Variants in NOX4 observed in about 807,000 individuals in gnomAD.
NOX4 encodes NADPH oxidase 4.
A neutral mutation model predicts 87.6 loss-of-function variants in NOX4; 69 were observed. The observed-to-expected ratio is 0.79, with a 90% CI of 0.65 to 0.96. The LOEUF is 0.96. NOX4 is among the 40% of genes least tolerant of loss of function. The pLI, the probability that NOX4 is intolerant of heterozygous loss-of-function variation, is 0.00. For synonymous variants in NOX4, 275 were observed against 238.2 expected, an observed-to-expected ratio of 1.15 and a Z score of -1.42; for missense variants, 680 against 681.5, an observed-to-expected ratio of 1.00 and a Z score of 0.02.
chr11:89,389,123 CAT>C (rs1179320659), intron 11 of NOX4, among the ~76,000 whole-genome samples: 6 of 152,094 alleles, frequency 3.9e-5, no homozygotes, highest in Admixed American at 6.6e-5. Flanking sequence ...TGTCAGCAAA[CAT>C]GTGTGTGAGA....
At chr11:89,351,463 A>G (rs1478174596) in intron 13 of NOX4, among the ~76,000 whole-genome samples, 1 of 152,218 alleles carries the variant, frequency 6.6e-6, no homozygotes, top group African/African-American at 2.4e-5. Flanking sequence ...CAGATTTTCA[A>G]TGTAGACAAG....
At chr11:89,565,726 T>TAA in the NOX4 span, among the ~76,000 whole-genome samples, 6 of 144,076 alleles carry the variant, frequency 4.2e-5, no homozygotes, top group African/African-American at 1.5e-4. Context: ...TAAAGTATAA[T>TAA]AAAAAAAAAA....
At chr11:89,430,628 C>A (rs1943725747) in intron 7 of NOX4, among the ~76,000 whole-genome samples, 1 of 152,066 alleles carries the variant, frequency 6.6e-6, no homozygotes, top group Non-Finnish European at 1.5e-5. Flanking sequence ...AATAAAATAC[C>A]TAGGAATCCA....
At chr11:89,427,975 T>C (rs1342495109) in intron 7 of NOX4, among the ~76,000 whole-genome samples, 3 of 152,128 alleles carry the variant, frequency 2.0e-5, no homozygotes, top group Non-Finnish European at 4.4e-5. Flanking sequence ...GAGAGAAAGG[T>C]GGGGTTGCCC....
At chr11:89,579,588 T>C in the NOX4 span, among the ~76,000 whole-genome samples, 1 of 152,028 alleles carries the variant, frequency 6.6e-6, no homozygotes, top group African/African-American at 2.4e-5. Context: ...ACCTGTAAAA[T>C]AGCCATAGAA....
chr11:89,465,255 T>G (rs1945627806), intron 2 of NOX4, among the ~76,000 whole-genome samples: 1 of 152,112 alleles, frequency 6.6e-6, no homozygotes, highest in Admixed American at 6.5e-5. Context: ...TGCTGTTGTG[T>G]TAGTTTGCTG....
intron 2 of NOX4, among the ~76,000 whole-genome samples, chr11:89,479,545 T>C (rs1464947734): frequency 6.6e-6 from 1 of 152,190 alleles, no homozygotes; most frequent in Admixed American, 6.5e-5. Context: ...TCATCTCTTC[T>C]TCCCTTAAAA....
At chr11:89,344,609 G>A (rs887916062) in intron 13 of NOX4, among the ~76,000 whole-genome samples, 15 of 152,170 alleles carry the variant, frequency 9.9e-5, no homozygotes, top group African/African-American at 3.6e-4. Context: ...CCTAAAATAA[G>A]CTATATTAAC....
At chr11:89,544,577 A>T in the NOX4 span, among the ~76,000 whole-genome samples, 1 of 151,958 alleles carries the variant, frequency 6.6e-6, no homozygotes, top group Admixed American at 6.6e-5. Flanking sequence ...CATAGTCTAG[A>T]TGGACATCTT....
chr11:89,521,991 C>T, the NOX4 span, among the ~76,000 whole-genome samples: 1 of 151,044 alleles, frequency 6.6e-6, no homozygotes, highest in Non-Finnish European at 1.5e-5. Flanking sequence ...CACCTCACAC[C>T]AGTCAAAATG....
At chr11:89,545,092 G>A in the NOX4 span, 2 of 152,104 alleles carry the variant, frequency 1.3e-5, no homozygotes, top group African/African-American at 4.8e-5. Context: ...TGAATAGAAG[G>A]AAACCAAAAT....
At chr11:89,553,105 C>T in the NOX4 span, among the ~76,000 whole-genome samples, 2 of 152,114 alleles carry the variant, frequency 1.3e-5, no homozygotes, top group Non-Finnish European at 2.9e-5. Context: ...CACACAGGGT[C>T]CTAGTCAGAA....
intron 8 of NOX4, among the ~76,000 whole-genome samples, chr11:89,417,071 C>A (rs1010016244): frequency 2.0e-5 from 3 of 152,098 alleles, no homozygotes; most frequent in Admixed American, 6.6e-5. Flanking sequence ...ACATAAAATA[C>A]AATCACCACC....
At chr11:89,579,161 T>A in the NOX4 span, among the ~76,000 whole-genome samples, 2 of 152,144 alleles carry the variant, frequency 1.3e-5, no homozygotes, top group African/African-American at 4.8e-5. Context: ...AAGAAAGGGA[T>A]GGAGGAGTAG....
intron 8 of NOX4, among the ~76,000 whole-genome samples, chr11:89,412,820 T>C (rs1156482240): frequency 1.3e-5 from 2 of 151,860 alleles, no homozygotes; most frequent in Non-Finnish European, 2.9e-5. Context: ...AAAGCAAAAA[T>C]AGACAAATGG....
At chr11:89,448,610 A>T (rs1944814558) in intron 4 of NOX4, among the ~76,000 whole-genome samples, 2 of 152,134 alleles carry the variant, frequency 1.3e-5, no homozygotes, top group African/African-American at 4.8e-5. Context: ...GGCCAGGTAC[A>T]GTGGCACCCG....
At chr11:89,516,731 A>T in the NOX4 span, among the ~76,000 whole-genome samples, 18,291 of 151,986 alleles carry the variant, frequency 0.12, 1,398 homozygotes, top group Admixed American at 0.24. Context: ...CTTACTCCTG[A>T]AATTCTTTCA....
chr11:89,551,911 T>G, the NOX4 span, among the ~76,000 whole-genome samples: 2 of 152,158 alleles, frequency 1.3e-5, no homozygotes, highest in Admixed American at 1.3e-4. Flanking sequence ...CCATTCAGTA[T>G]GATATTGGCT....
the NOX4 span, among the ~76,000 whole-genome samples, chr11:89,553,220 C>A: frequency 1.3e-5 from 2 of 152,132 alleles, no homozygotes; most frequent in Non-Finnish European, 2.9e-5. Flanking sequence ...GTAATCCCTA[C>A]ATGTCAAGGG....
Sources: gnomAD v4.1 joint callset for allele counts (sites outside exome capture counted in the v4.1 genomes callset) on GRCh38, gnomAD v4.1.1 for gene constraint, MANE v1.5 for transcripts, NCBI Gene and HGNC (gene_info 2026-07-23, HGNC 2026-07-21) for gene names.